Variants in CALN1 observed in about 807,000 individuals in gnomAD.
CALN1 encodes calneuron 1.
In CALN1, 17 loss-of-function variants were observed where a neutral mutation model predicts 30.6. That is an observed-to-expected ratio of 0.56 (90% confidence interval 0.38 to 0.83). The LOEUF (loss-of-function observed/expected upper bound fraction) is 0.83, where lower values mean the gene tolerates loss of function less well. Ranked by LOEUF, CALN1 falls within the 40% of genes least tolerant of loss-of-function variation. The pLI is 0.00. For synonymous variants in CALN1, 156 were observed against 131.4 expected, an observed-to-expected ratio of 1.19 and a Z score of -1.28; for missense variants, 291 against 354.9, an observed-to-expected ratio of 0.82 and a Z score of 1.45.
chr7:72,327,232 G>A (rs919610702), intron 2 of CALN1, among the ~76,000 whole-genome samples: 1 of 152,208 alleles, frequency 6.6e-6, no homozygotes, highest in Non-Finnish European at 1.5e-5. Context: ...AGTGGCTCAC[G>A]CCTGTAATCC....
chr7:72,027,952 G>C (rs1801186001), intron 4 of CALN1, among the ~76,000 whole-genome samples: 5 of 151,360 alleles, frequency 3.3e-5, no homozygotes, highest in Admixed American at 3.3e-4. Context: ...CCAGCTACGT[G>C]GGAGGCTGAG....
intron 4 of CALN1, among the ~76,000 whole-genome samples, chr7:72,097,863 G>A (rs1220242980): frequency 6.6e-6 from 1 of 152,078 alleles, no homozygotes; most frequent in Non-Finnish European, 1.5e-5. Flanking sequence ...ACAGGTGCCT[G>A]CCACCATGCC....
At chr7:72,342,734 C>CCT (rs1802439991) in intron 2 of CALN1, among the ~76,000 whole-genome samples, 1 of 152,018 alleles carries the variant, frequency 6.6e-6, no homozygotes, top group Non-Finnish European at 1.5e-5. Context: ...GTAAATATCC[C>CCT]CTTCCCTTAT....
intron 5 of CALN1, among the ~76,000 whole-genome samples, chr7:71,981,082 C>T (rs844703): frequency 0.011 from 1,602 of 152,180 alleles, 33 homozygotes; most frequent in African/African-American, 0.037. Flanking sequence ...ATGTGGACAC[C>T]GGGAATCATT....
chr7:72,271,828 G>A (rs1368003867), intron 3 of CALN1, among the ~76,000 whole-genome samples: 2 of 151,560 alleles, frequency 1.3e-5, no homozygotes, highest in Non-Finnish European at 2.9e-5. Context: ...TTTGGAGGCT[G>A]AGGCAGGCAG....
chr7:72,443,363 G>A (rs149366532), intron 1 of CALN1, among the ~76,000 whole-genome samples: 39 of 152,242 alleles, frequency 2.6e-4, no homozygotes, highest in Middle Eastern at 3.4e-3. Context: ...AAGTGATTCC[G>A]TTGCTAAAAA....
At chr7:72,265,934 G>T (rs1328649732) in intron 3 of CALN1, among the ~76,000 whole-genome samples, 1 of 152,000 alleles carries the variant, frequency 6.6e-6, no homozygotes, top group African/African-American at 2.4e-5. Context: ...AGGAGTTCCA[G>T]ACCAGCCTGG....
intron 3 of CALN1, among the ~76,000 whole-genome samples, chr7:72,113,300 CTCTT>C (rs1807707355): frequency 6.6e-6 from 1 of 152,128 alleles, no homozygotes; most frequent in Non-Finnish European, 1.5e-5. Flanking sequence ...CCCTCTCTCT[CTCTT>C]GCTTCCTCTC....
chr7:72,459,956 C>T, the CALN1 span, among the ~76,000 whole-genome samples: 1 of 152,120 alleles, frequency 6.6e-6, no homozygotes, highest in Non-Finnish European at 1.5e-5. Flanking sequence ...TTATTTGGTT[C>T]ATGGTTCTGC....
chr7:72,011,880 G>A (rs1230863910), intron 5 of CALN1, among the ~76,000 whole-genome samples: 1 of 152,014 alleles, frequency 6.6e-6, no homozygotes, highest in Non-Finnish European at 1.5e-5. Context: ...AACTCAAACA[G>A]TTCTCAGCCT....
At chr7:72,157,490 A>T (rs1421014878) in intron 3 of CALN1, among the ~76,000 whole-genome samples, 3 of 152,124 alleles carry the variant, frequency 2.0e-5, no homozygotes, top group Non-Finnish European at 4.4e-5. Context: ...TTCCCAGAGA[A>T]GGTGACATTT....
At chr7:71,991,319 TGTG>T (rs955481865) in intron 5 of CALN1, among the ~76,000 whole-genome samples, 10 of 151,660 alleles carry the variant, frequency 6.6e-5, no homozygotes, top group Non-Finnish European at 1.2e-4. Context: ...ATTAGCCAGA[TGTG>T]GTGGTGGGTG....
chr7:72,350,533 A>G (rs117769759), intron 2 of CALN1, among the ~76,000 whole-genome samples: 9 of 152,326 alleles, frequency 5.9e-5, no homozygotes, highest in Non-Finnish European at 1.2e-4. Context: ...GCAGAACAGA[A>G]AACCAAATAC....
chr7:72,272,994 C>T (rs1797094927), intron 3 of CALN1, among the ~76,000 whole-genome samples: 1 of 151,912 alleles, frequency 6.6e-6, no homozygotes, highest in Non-Finnish European at 1.5e-5. Flanking sequence ...GAACAAACAA[C>T]ATAGATGGAG....
At chr7:72,451,705 T>C (rs950316998), upstream of CALN1, among the ~76,000 whole-genome samples, 1 of 152,192 alleles carries the variant, frequency 6.6e-6, no homozygotes, top group African/African-American at 2.4e-5. Context: ...TCCCCGGTGA[T>C]TGACAAGTCA....
intron 3 of CALN1, among the ~76,000 whole-genome samples, chr7:72,164,441 T>G (rs1374515513): frequency 1.3e-5 from 2 of 151,440 alleles, no homozygotes; most frequent in East Asian, 3.9e-4. Context: ...AATTATACTC[T>G]TATATGCCAA....
At chr7:72,141,090 G>A (rs371158947) in intron 3 of CALN1, among the ~76,000 whole-genome samples, 12 of 152,338 alleles carry the variant, frequency 7.9e-5, no homozygotes, top group African/African-American at 2.6e-4. Flanking sequence ...AAGGTCACTG[G>A]CTCCAGCCTC....
chr7:72,112,527 A>G (rs1007577225), intron 3 of CALN1, among the ~76,000 whole-genome samples: 3 of 152,214 alleles, frequency 2.0e-5, no homozygotes, highest in African/African-American at 7.2e-5. Flanking sequence ...CAGTTATTTA[A>G]AAGCTATGGA....
intron 1 of CALN1, among the ~76,000 whole-genome samples, chr7:72,439,852 C>T (rs1186475768): frequency 6.6e-6 from 1 of 152,142 alleles, no homozygotes; most frequent in African/African-American, 2.4e-5. Flanking sequence ...GCTGGGATTA[C>T]AGGCGTGAGC....
Sources: gnomAD v4.1 joint callset for allele counts (sites outside exome capture counted in the v4.1 genomes callset) on GRCh38, gnomAD v4.1.1 for gene constraint, MANE v1.5 for transcripts, NCBI Gene and HGNC (gene_info 2026-07-23, HGNC 2026-07-21) for gene names.